Variants in KCNMA1 observed in about 807,000 individuals in gnomAD.
KCNMA1 encodes the protein potassium calcium-activated channel subfamily M alpha 1, also known as Calcium-activated potassium channel subunit alpha-1.
Under a neutral mutation model 140.0 loss-of-function variants are expected in KCNMA1, and 29 were observed. The observed-to-expected ratio is 0.21, with a 90% CI of 0.15 to 0.28. The LOEUF (loss-of-function observed/expected upper bound fraction) is 0.28, where lower values mean the gene tolerates loss of function less well. Among genes scored for constraint, KCNMA1 ranks in the 10% least tolerant of loss-of-function variants. KCNMA1 has a pLI of 1.00. For synonymous variants in KCNMA1, 612 were observed against 611.9 expected, an observed-to-expected ratio of 1.00 and a Z score of 0.00; for missense variants, 880 against 1,602.2, an observed-to-expected ratio of 0.55 and a Z score of 7.70.
intron 1 of KCNMA1, among the ~76,000 whole-genome samples, chr10:77,613,012 C>A (rs1236867024): frequency 6.6e-6 from 1 of 152,084 alleles, no homozygotes; most frequent in Non-Finnish European, 1.5e-5. Flanking sequence ...CTATCTCACA[C>A]ACAATAAGTC....
intron 20 of KCNMA1, among the ~76,000 whole-genome samples, chr10:76,958,541 G>A (rs1254422721): frequency 6.6e-6 from 1 of 152,140 alleles, no homozygotes; most frequent in East Asian, 1.9e-4. Context: ...CTCAGAATGT[G>A]ACTGTATTTT....
intron 1 of KCNMA1, among the ~76,000 whole-genome samples, chr10:77,630,525 G>T (rs967795789): frequency 7.2e-5 from 11 of 152,146 alleles, no homozygotes; most frequent in African/African-American, 2.7e-4. Flanking sequence ...AGCTACCCTG[G>T]TCTGAAAGGA....
At chr10:77,598,822 G>C (rs1451159879) in intron 1 of KCNMA1, among the ~76,000 whole-genome samples, 3 of 152,242 alleles carry the variant, frequency 2.0e-5, no homozygotes, top group Non-Finnish European at 4.4e-5. Context: ...AGACACTACA[G>C]AGTAGATGCT....
At chr10:77,097,262 T>A (rs567721889) in intron 9 of KCNMA1, among the ~76,000 whole-genome samples, 1 of 152,148 alleles carries the variant, frequency 6.6e-6, no homozygotes, top group Non-Finnish European at 1.5e-5. Flanking sequence ...AAAATAAGAC[T>A]AATCCAACTC....
At chr10:76,910,172 T>G (rs1251337363) in intron 24 of KCNMA1, 76 bp from the exon 25 acceptor site, 38 of 1,538,426 alleles carry the variant, frequency 2.5e-5, no homozygotes, top group Non-Finnish European at 3.4e-5. Context: ...ACCAGGCTAC[T>G]GGTTTAGAAA....
intron 3 of KCNMA1, 152 bp from the exon 4 acceptor site, chr10:77,185,068 C>A: frequency 1.5e-6 from 1 of 686,050 alleles, no homozygotes. Context: ...CTGGGATCAT[C>A]AAGCAAGCAT....
intron 19 of KCNMA1, among the ~76,000 whole-genome samples, chr10:76,997,165 G>A (rs995914311): frequency 6.6e-6 from 1 of 152,144 alleles, no homozygotes. Context: ...GACAAGACTC[G>A]ATATTACACT....
chr10:77,146,221 G>T (rs1564810484), intron 5 of KCNMA1, among the ~76,000 whole-genome samples: 1 of 152,116 alleles, frequency 6.6e-6, no homozygotes, highest in Non-Finnish European at 1.5e-5. Flanking sequence ...AAAGAAATTA[G>T]CCTTCTTCTC....
At chr10:77,636,339 G>T in intron 1 of KCNMA1, 1 of 1,527,620 alleles carries the variant, frequency 6.5e-7, no homozygotes. Flanking sequence ...ACCATACATC[G>T]AAGGTGTCGC....
chr10:77,013,267 C>T (rs1037501589), intron 17 of KCNMA1, among the ~76,000 whole-genome samples: 1 of 152,140 alleles, frequency 6.6e-6, no homozygotes, highest in Non-Finnish European at 1.5e-5. Context: ...GACTCAGTGT[C>T]CTCATCTGTA....
chr10:77,460,765 T>A (rs80263240), intron 1 of KCNMA1, among the ~76,000 whole-genome samples: 2,561 of 152,100 alleles, frequency 0.017, 32 homozygotes, highest in Middle Eastern at 0.054. Flanking sequence ...GGAATAATAA[T>A]ACTGGAGACT....
chr10:77,365,133 A>G (rs1017599640), intron 2 of KCNMA1, among the ~76,000 whole-genome samples: 1 of 152,210 alleles, frequency 6.6e-6, no homozygotes, highest in South Asian at 2.1e-4. Flanking sequence ...AGCCATTTAC[A>G]TAGAAGAATC....
intron 1 of KCNMA1, among the ~76,000 whole-genome samples, chr10:77,626,867 A>C (rs2092595409): frequency 6.6e-6 from 1 of 152,212 alleles, no homozygotes; most frequent in Non-Finnish European, 1.5e-5. Context: ...TGATTTATTC[A>C]TTAAGACAAA....
intron 2 of KCNMA1, among the ~76,000 whole-genome samples, chr10:77,388,634 A>C (rs1400658083): frequency 6.6e-6 from 1 of 152,252 alleles, no homozygotes; most frequent in Non-Finnish European, 1.5e-5. Flanking sequence ...CATCTCTAAA[A>C]TATACCACCT....
intron 21 of KCNMA1, chr10:76,952,208 G>A (rs965758506): frequency 3.2e-6 from 5 of 1,544,776 alleles, no homozygotes; most frequent in African/African-American, 2.7e-5. Context: ...CAGGGCAAAA[G>A]TGCCATGAAT....
At chr10:77,017,649 G>C (rs1390167883) in intron 17 of KCNMA1, among the ~76,000 whole-genome samples, 1 of 152,176 alleles carries the variant, frequency 6.6e-6, no homozygotes, top group East Asian at 1.9e-4. Flanking sequence ...GTTTGCTAGA[G>C]TGGATGGGGA....
intron 1 of KCNMA1, among the ~76,000 whole-genome samples, chr10:77,609,237 T>C (rs1041731171): frequency 3.9e-5 from 6 of 152,230 alleles, no homozygotes; most frequent in African/African-American, 1.4e-4. Flanking sequence ...TTGTGGTACA[T>C]GTACACAGTG....
chr10:77,636,422 G>A (rs1044423099), intron 1 of KCNMA1: 1 of 1,536,162 alleles, frequency 6.5e-7, no homozygotes, highest in African/African-American at 1.4e-5. Flanking sequence ...TCGAGCGCCA[G>A]GGAAGACGCT....
At chr10:76,998,162 G>A (rs1401217047) in intron 19 of KCNMA1, among the ~76,000 whole-genome samples, 1 of 152,118 alleles carries the variant, frequency 6.6e-6, no homozygotes, top group Non-Finnish European at 1.5e-5. Flanking sequence ...GGGGTGCACC[G>A]AGCAGGCAGC....
Sources: allele counts gnomAD v4.1 joint callset (sites outside exome capture counted in the v4.1 genomes callset), GRCh38; gene constraint gnomAD v4.1.1; transcripts MANE v1.5; gene names NCBI Gene and HGNC (gene_info 2026-07-23, HGNC 2026-07-21).